The following NXPE4 variants were observed in gnomAD, a reference collection of about 807,000 sequenced individuals.
NXPE4 encodes the protein NXPE family member 4.
Under a neutral mutation model 33.3 loss-of-function variants are expected in NXPE4, and 42 were observed. That is an observed-to-expected ratio of 1.26 (90% CI 0.98 to 1.63). The LOEUF (loss-of-function observed/expected upper bound fraction) is 1.63. NXPE4 is among the 40% of genes most tolerant of loss of function. NXPE4 has a pLI of 0.00. For synonymous variants in NXPE4, 253 were observed against 234.9 expected, an observed-to-expected ratio of 1.08 and a Z score of -0.71; for missense variants, 709 against 647.6, an observed-to-expected ratio of 1.09 and a Z score of -1.03.
chr11:114,627,459 A>G, the NXPE4 span, among the ~76,000 whole-genome samples: 2 of 151,084 alleles, frequency 1.3e-5, no homozygotes, highest in Non-Finnish European at 2.9e-5. Context: ...CTTTACAGAC[A>G]AGCAAATGCT....
intron 3 of NXPE4, among the ~76,000 whole-genome samples, 164 bp downstream of exon 3, chr11:114,582,124 C>A (rs1353339270): frequency 6.6e-6 from 1 of 152,122 alleles, no homozygotes; most frequent in Non-Finnish European, 1.5e-5. Context: ...TTGTGGATTA[C>A]TAGAGAATGG....
the NXPE4 span, among the ~76,000 whole-genome samples, chr11:114,662,713 C>T: frequency 6.6e-6 from 1 of 152,206 alleles, no homozygotes; most frequent in East Asian, 1.9e-4. Context: ...AGCTCAGTCA[C>T]AGCAGGATAG....
At chr11:114,640,842 T>C in the NXPE4 span, among the ~76,000 whole-genome samples, 7 of 152,076 alleles carry the variant, frequency 4.6e-5, no homozygotes, top group African/African-American at 1.7e-4. Flanking sequence ...TCCATGTAGA[T>C]TCTGGATATT....
the NXPE4 span, among the ~76,000 whole-genome samples, chr11:114,635,490 T>A: frequency 1.3e-5 from 2 of 151,972 alleles, no homozygotes; most frequent in Non-Finnish European, 2.9e-5. Flanking sequence ...GGCCAGAACT[T>A]CCAGCACTCT....
the NXPE4 span, among the ~76,000 whole-genome samples, chr11:114,614,379 G>C: frequency 3.2e-4 from 49 of 150,990 alleles, no homozygotes; most frequent in Admixed American, 3.2e-3. Context: ...TTACCTGGTG[G>C]ATAATAAGTG....
chr11:114,587,114 C>CT (rs1326893726), intron 2 of NXPE4, among the ~76,000 whole-genome samples: 7 of 152,068 alleles, frequency 4.6e-5, no homozygotes, highest in African/African-American at 7.2e-5. Flanking sequence ...CTAATTCTCG[C>CT]TTTTTTTGCC....
chr11:114,613,419 G>A, the NXPE4 span, among the ~76,000 whole-genome samples: 2,856 of 151,746 alleles, frequency 0.019, 87 homozygotes, highest in African/African-American at 0.065. Flanking sequence ...CTGTTACCTG[G>A]TGGATAATAA....
the NXPE4 span, among the ~76,000 whole-genome samples, chr11:114,674,912 T>C: frequency 2.6e-5 from 4 of 151,674 alleles, no homozygotes; most frequent in African/African-American, 9.7e-5. Context: ...AACAAAATAC[T>C]AGCAAACAAA....
the NXPE4 span, among the ~76,000 whole-genome samples, chr11:114,625,473 T>A: frequency 6.6e-6 from 1 of 152,154 alleles, no homozygotes; most frequent in African/African-American, 2.4e-5. Flanking sequence ...TGTCACCCGG[T>A]GGATAATATG....
chr11:114,631,862 G>A, the NXPE4 span, among the ~76,000 whole-genome samples: 15 of 150,878 alleles, frequency 9.9e-5, no homozygotes, highest in East Asian at 1.9e-4. Context: ...GTATTGTGTC[G>A]TGGGTAACCG....
At chr11:114,645,301 G>T in the NXPE4 span, among the ~76,000 whole-genome samples, 2 of 151,742 alleles carry the variant, frequency 1.3e-5, no homozygotes, top group South Asian at 4.2e-4. Context: ...ACTCCATCTC[G>T]AAAATAAATA....
chr11:114,621,063 C>T, the NXPE4 span, among the ~76,000 whole-genome samples: 1 of 152,102 alleles, frequency 6.6e-6, no homozygotes, highest in East Asian at 1.9e-4. Context: ...TCGTTGGTAA[C>T]CACTATTACC....
chr11:114,639,141 C>G, the NXPE4 span, among the ~76,000 whole-genome samples: 1 of 152,042 alleles, frequency 6.6e-6, no homozygotes, highest in African/African-American at 2.4e-5. Context: ...TTCCCGGCTG[C>G]TTTGTTTACC....
the NXPE4 span, among the ~76,000 whole-genome samples, chr11:114,602,636 C>A: frequency 7.1e-6 from 1 of 140,368 alleles, no homozygotes. Context: ...ATTATAGATT[C>A]ATATATAATA....
the NXPE4 span, among the ~76,000 whole-genome samples, chr11:114,634,939 T>C: frequency 6.6e-6 from 1 of 151,854 alleles, no homozygotes; most frequent in Non-Finnish European, 1.5e-5. Context: ...ATGAACTTGG[T>C]GATGAGGGCC....
chr11:114,655,442 G>T, the NXPE4 span, among the ~76,000 whole-genome samples: 3 of 152,126 alleles, frequency 2.0e-5, no homozygotes, highest in African/African-American at 7.2e-5. Flanking sequence ...TTCTTCTAGG[G>T]TTTTTATGGT....
the NXPE4 span, among the ~76,000 whole-genome samples, chr11:114,631,453 C>G: frequency 7.1e-6 from 1 of 141,550 alleles, no homozygotes; most frequent in South Asian, 2.2e-4. Context: ...TATTCTCACT[C>G]ATAGGTGGGA....
At chr11:114,617,801 C>T in the NXPE4 span, among the ~76,000 whole-genome samples, 159 of 152,096 alleles carry the variant, frequency 1.0e-3, 1 homozygote, top group Non-Finnish European at 1.8e-3. Context: ...CACGGTTACC[C>T]GATGGATAAT....
chr11:114,583,924 T>C, intron 2 of NXPE4: 1 of 392,632 alleles, frequency 2.5e-6, no homozygotes, highest in South Asian at 2.1e-5. Context: ...ATTATGCTAT[T>C]AACTATCTGC....
Sources: gnomAD v4.1 joint callset for allele counts (sites outside exome capture counted in the v4.1 genomes callset) on GRCh38, gnomAD v4.1.1 for gene constraint, MANE v1.5 for transcripts, NCBI Gene and HGNC (gene_info 2026-07-23, HGNC 2026-07-21) for gene names.